CFAP299: variants seen among roughly 807,000 people sequenced by gnomAD.
The protein encoded by CFAP299 is cilia and flagella associated protein 299.
Under a neutral mutation model 27.0 loss-of-function variants are expected in CFAP299, and 21 were observed. That is an observed-to-expected ratio of 0.78 (90% CI 0.55 to 1.12). CFAP299 has a LOEUF of 1.12. Ranked by LOEUF, CFAP299 falls within the 50% of genes most tolerant of loss-of-function variation. The pLI, the probability that CFAP299 is intolerant of heterozygous loss-of-function variation, is 0.00. For synonymous variants in CFAP299, 104 were observed against 98.1 expected (o/e 1.06, Z -0.36); for missense variants, 310 against 276.6 (o/e 1.12, Z -0.86).
intron 3 of CFAP299, among the ~76,000 whole-genome samples, chr4:80,633,452 T>C (rs942182832): frequency 3.3e-5 from 5 of 152,060 alleles, no homozygotes; most frequent in Admixed American, 2.6e-4. Context: ...AGGCTCTGTC[T>C]CAATAAATAA....
intron 2 of CFAP299, among the ~76,000 whole-genome samples, chr4:80,521,061 A>G (rs745897708): frequency 5.9e-5 from 9 of 152,330 alleles, no homozygotes; most frequent in Non-Finnish European, 1.0e-4. Flanking sequence ...GATTAAAACA[A>G]TGACATCAAA....
At chr4:80,476,391 T>C (rs1232098078) in intron 2 of CFAP299, among the ~76,000 whole-genome samples, 2 of 152,082 alleles carry the variant, frequency 1.3e-5, no homozygotes, top group Non-Finnish European at 2.9e-5. Flanking sequence ...CCAAATTCAG[T>C]AGTGGCTGCA....
chr4:80,898,537 C>T (rs551924011), intron 4 of CFAP299, among the ~76,000 whole-genome samples: 1 of 152,058 alleles, frequency 6.6e-6, no homozygotes, highest in East Asian at 1.9e-4. Context: ...AACAGGGATG[C>T]AAGTTCTCAT....
At chr4:80,815,581 A>G (rs1162950501) in intron 3 of CFAP299, among the ~76,000 whole-genome samples, 4 of 152,108 alleles carry the variant, frequency 2.6e-5, no homozygotes. Flanking sequence ...TAATAAAATG[A>G]CAGGAAATAT....
chr4:80,848,706 G>T (rs1408834940), intron 3 of CFAP299, among the ~76,000 whole-genome samples: 1 of 152,098 alleles, frequency 6.6e-6, no homozygotes, highest in Non-Finnish European at 1.5e-5. Flanking sequence ...AGCCCAGGAG[G>T]TCAAGGCTGC....
intron 5 of CFAP299, among the ~76,000 whole-genome samples, chr4:80,950,005 T>C (rs545245431): frequency 6.6e-6 from 1 of 152,236 alleles, no homozygotes; most frequent in South Asian, 2.1e-4. Context: ...CCTGCTATAG[T>C]TGGCAAATTT....
intron 2 of CFAP299, among the ~76,000 whole-genome samples, chr4:80,411,072 G>A (rs539232815): frequency 2.0e-5 from 3 of 152,266 alleles, no homozygotes; most frequent in South Asian, 2.1e-4. Flanking sequence ...CTCCACTAAA[G>A]CAGCATTGTA....
chr4:80,662,979 T>A (rs1740939950), intron 3 of CFAP299, among the ~76,000 whole-genome samples: 1 of 151,936 alleles, frequency 6.6e-6, no homozygotes, highest in Non-Finnish European at 1.5e-5. Context: ...AATTTACTTA[T>A]CTTGTCTCTG....
chr4:80,322,269 T>G, the CFAP299 span, among the ~76,000 whole-genome samples: 7 of 152,332 alleles, frequency 4.6e-5, no homozygotes, highest in Non-Finnish European at 8.8e-5. Context: ...TCCTTGCTCC[T>G]TGGGTAAATA....
At chr4:80,857,228 T>A in intron 3 of CFAP299, among the ~76,000 whole-genome samples, 1 of 152,216 alleles carries the variant, frequency 6.6e-6, no homozygotes, top group Non-Finnish European at 1.5e-5. Flanking sequence ...TATATAAGAA[T>A]GCTTGTGATT....
At chr4:80,713,104 G>A (rs959043309) in intron 3 of CFAP299, among the ~76,000 whole-genome samples, 1 of 152,110 alleles carries the variant, frequency 6.6e-6, no homozygotes, top group African/African-American at 2.4e-5. Flanking sequence ...CTAATAGACT[G>A]GAGATGAGAG....
chr4:80,869,478 T>C (rs1732945959), intron 3 of CFAP299, among the ~76,000 whole-genome samples: 1 of 152,212 alleles, frequency 6.6e-6, no homozygotes, highest in Non-Finnish European at 1.5e-5. Context: ...TGTTGTTCTT[T>C]TCGTTTTTCA....
At chr4:80,874,435 A>G (rs1375059784) in intron 4 of CFAP299, among the ~76,000 whole-genome samples, 1 of 152,162 alleles carries the variant, frequency 6.6e-6, no homozygotes, top group Non-Finnish European at 1.5e-5. Flanking sequence ...CAATATTTCC[A>G]TATGCTTATT....
At chr4:80,471,578 G>T (rs1169485329) in intron 2 of CFAP299, among the ~76,000 whole-genome samples, 1 of 120,740 alleles carries the variant, frequency 8.3e-6, no homozygotes, top group Non-Finnish European at 1.8e-5. Context: ...GGGCGGGGGT[G>T]GGGGTGGGGG....
chr4:80,802,905 G>T (rs1466660077), intron 3 of CFAP299, among the ~76,000 whole-genome samples: 1 of 151,890 alleles, frequency 6.6e-6, no homozygotes, highest in Non-Finnish European at 1.5e-5. Flanking sequence ...CATTAAATTA[G>T]AACCTGGAAA....
At chr4:80,814,142 A>C (rs931066734) in intron 3 of CFAP299, among the ~76,000 whole-genome samples, 1 of 152,070 alleles carries the variant, frequency 6.6e-6, no homozygotes, top group African/African-American at 2.4e-5. Context: ...CAAAGCTCTA[A>C]GTAGAAGACT....
At chr4:80,591,670 G>C (rs1317332648) in intron 3 of CFAP299, among the ~76,000 whole-genome samples, 1 of 152,136 alleles carries the variant, frequency 6.6e-6, no homozygotes, top group Non-Finnish European at 1.5e-5. Flanking sequence ...CAGAGCCAAG[G>C]AGTCACTGAG....
chr4:80,366,867 T>G (rs1163677179), intron 2 of CFAP299, among the ~76,000 whole-genome samples: 1 of 152,136 alleles, frequency 6.6e-6, no homozygotes, highest in Non-Finnish European at 1.5e-5. Flanking sequence ...AAAATACTAT[T>G]CAGTCATCAA....
At chr4:80,375,273 G>A (rs184358971) in intron 2 of CFAP299, among the ~76,000 whole-genome samples, 30 of 152,246 alleles carry the variant, frequency 2.0e-4, no homozygotes, top group Non-Finnish European at 2.4e-4. Context: ...AACCTATAGG[G>A]CATCAATGCA....
Sources: allele counts gnomAD v4.1 joint callset (sites outside exome capture counted in the v4.1 genomes callset), GRCh38; gene constraint gnomAD v4.1.1; transcripts MANE v1.5; gene names NCBI Gene and HGNC (gene_info 2026-07-23, HGNC 2026-07-21).